Variants in CACNG3 observed in about 807,000 individuals in gnomAD.
CACNG3 encodes calcium voltage-gated channel auxiliary subunit gamma 3.
A neutral mutation model predicts 28.5 loss-of-function variants in CACNG3; 3 were observed. The observed-to-expected ratio is 0.11, with a 90% confidence interval of 0.05 to 0.27. The LOEUF (loss-of-function observed/expected upper bound fraction) is 0.27, where lower values mean the gene tolerates loss of function less well. CACNG3 is among the 10% of genes least tolerant of loss of function. The pLI, the probability that CACNG3 is intolerant of heterozygous loss-of-function variation, is 1.00. For missense variants in CACNG3, 236 were observed against 414.4 expected (o/e 0.57, Z 3.74); for synonymous variants, 174 against 162.2 (o/e 1.07, Z -0.55).
intron 1 of CACNG3, among the ~76,000 whole-genome samples, chr16:24,282,291 C>T (rs1283034314): frequency 3.3e-5 from 5 of 152,098 alleles, no homozygotes. Flanking sequence ...AGTAATGTAG[C>T]TTGAGCGCTT....
At chr16:24,336,282 T>TC (rs1244303519) in intron 1 of CACNG3, among the ~76,000 whole-genome samples, 1 of 151,868 alleles carries the variant, frequency 6.6e-6, no homozygotes, top group Non-Finnish European at 1.5e-5. Flanking sequence ...GGCATTTTTT[T>TC]TTTTTTTGAG....
At chr16:24,311,054 T>G (rs1235319199) in intron 1 of CACNG3, among the ~76,000 whole-genome samples, 2 of 152,180 alleles carry the variant, frequency 1.3e-5, no homozygotes, top group East Asian at 3.9e-4. Flanking sequence ...GGCACTTGGG[T>G]TGTCCCCATT....
chr16:24,317,647 GAAAA>G (rs1233041271), intron 1 of CACNG3, among the ~76,000 whole-genome samples: 1 of 32,134 alleles, frequency 3.1e-5, no homozygotes, highest in African/African-American at 1.4e-4. Flanking sequence ...AGAAAGAAAA[GAAAA>G]GAAAGAAAGA....
chr16:24,339,387 C>CT (rs1172337482), intron 1 of CACNG3, among the ~76,000 whole-genome samples: 339 of 143,196 alleles, frequency 2.4e-3, no homozygotes, highest in East Asian at 3.6e-3. Flanking sequence ...CTGCTTCTTC[C>CT]TTTTTTTTTT....
At chr16:24,310,352 T>G (rs1032376651) in intron 1 of CACNG3, among the ~76,000 whole-genome samples, 1 of 151,930 alleles carries the variant, frequency 6.6e-6, no homozygotes, top group Non-Finnish European at 1.5e-5. Context: ...TCACTTGAGG[T>G]CAGGAGTTCA....
chr16:24,313,011 GAGAA>G (rs1292560681), intron 1 of CACNG3, among the ~76,000 whole-genome samples: 2 of 145,272 alleles, frequency 1.4e-5, no homozygotes, highest in East Asian at 2.0e-4. Flanking sequence ...AAGAAAAAGA[GAGAA>G]AGAGAGAGAG....
chr16:24,295,467 C>T (rs1478140311), intron 1 of CACNG3, among the ~76,000 whole-genome samples: 1 of 151,950 alleles, frequency 6.6e-6, no homozygotes, highest in East Asian at 1.9e-4. Flanking sequence ...AAATAACTGA[C>T]AATCAATCGT....
chr16:24,271,264 C>T (rs1482772180), intron 1 of CACNG3, among the ~76,000 whole-genome samples: 1 of 152,218 alleles, frequency 6.6e-6, no homozygotes, highest in Non-Finnish European at 1.5e-5. Context: ...TTGCCTCGCC[C>T]TTCTCTATGA....
At chr16:24,301,817 G>A (rs1345703617) in intron 1 of CACNG3, among the ~76,000 whole-genome samples, 1 of 152,170 alleles carries the variant, frequency 6.6e-6, no homozygotes, top group African/African-American at 2.4e-5. Flanking sequence ...CAACAAAAGA[G>A]TGGAGACATT....
chr16:24,289,708 G>A (rs1007042783), intron 1 of CACNG3, among the ~76,000 whole-genome samples: 4 of 152,300 alleles, frequency 2.6e-5, no homozygotes, highest in East Asian at 1.9e-4. Flanking sequence ...AGCACAGCAC[G>A]CTCTGTGGCA....
chr16:24,320,380 T>C (rs1379092064), intron 1 of CACNG3, among the ~76,000 whole-genome samples: 2 of 152,222 alleles, frequency 1.3e-5, no homozygotes, highest in Non-Finnish European at 2.9e-5. Flanking sequence ...AGACCATGAA[T>C]ACTTTCCCAA....
chr16:24,265,372 A>AAAC (rs1361931907), intron 1 of CACNG3, among the ~76,000 whole-genome samples: 1 of 148,186 alleles, frequency 6.7e-6, no homozygotes, highest in Non-Finnish European at 1.5e-5. Flanking sequence ...AGAAAGAAAA[A>AAAC]AGAAAGAAAG....
At chr16:24,318,246 C>T (rs1899413380) in intron 1 of CACNG3, among the ~76,000 whole-genome samples, 1 of 152,082 alleles carries the variant, frequency 6.6e-6, no homozygotes, top group South Asian at 2.1e-4. Flanking sequence ...GGCTGGAGTG[C>T]AGTGGCACTA....
At chr16:24,322,345 C>A (rs1368575713) in intron 1 of CACNG3, among the ~76,000 whole-genome samples, 1 of 152,102 alleles carries the variant, frequency 6.6e-6, no homozygotes, top group African/African-American at 2.4e-5. Flanking sequence ...CTCAAAGGAA[C>A]CCCGGCCACC....
chr16:24,259,781 G>A (rs1219643697), intron 1 of CACNG3, among the ~76,000 whole-genome samples: 1 of 152,144 alleles, frequency 6.6e-6, no homozygotes, highest in Non-Finnish European at 1.5e-5. Flanking sequence ...TGTGGAATGG[G>A]AAGCTTTGGC....
At chr16:24,271,599 C>A (rs1326822299) in intron 1 of CACNG3, among the ~76,000 whole-genome samples, 1 of 152,124 alleles carries the variant, frequency 6.6e-6, no homozygotes, top group East Asian at 1.9e-4. Flanking sequence ...TTTAGGGGGA[C>A]CTACAGCCTG....
intron 1 of CACNG3, among the ~76,000 whole-genome samples, chr16:24,325,286 T>C (rs1899526155): frequency 6.6e-6 from 1 of 152,216 alleles, no homozygotes; most frequent in South Asian, 2.1e-4. Context: ...CATTGATCCA[T>C]GACAGCATCT....
At chr16:24,291,578 T>G (rs1211493338) in intron 1 of CACNG3, among the ~76,000 whole-genome samples, 1 of 152,014 alleles carries the variant, frequency 6.6e-6, no homozygotes, top group African/African-American at 2.4e-5. Context: ...TTAGAAAAAT[T>G]TTGTTGGTGG....
At chr16:24,326,558 T>C (rs533881644) in intron 1 of CACNG3, among the ~76,000 whole-genome samples, 1 of 152,330 alleles carries the variant, frequency 6.6e-6, no homozygotes, top group African/African-American at 2.4e-5. Context: ...CCTGAACCAA[T>C]CACGCCAATC....
Sources: gnomAD v4.1 joint callset for allele counts (sites outside exome capture counted in the v4.1 genomes callset) on GRCh38, gnomAD v4.1.1 for gene constraint, MANE v1.5 for transcripts, NCBI Gene and HGNC (gene_info 2026-07-23, HGNC 2026-07-21) for gene names.